The following ELOVL7 variants were observed in gnomAD, a reference collection of about 807,000 sequenced individuals.
ELOVL7 encodes the protein very long chain fatty acid elongase 7.
ELOVL7 carries 27 observed loss-of-function variants against 35.7 expected under a neutral mutation model. The ratio of observed to expected loss-of-function variants is 0.76; its 90% CI spans 0.56 to 1.04. The LOEUF (loss-of-function observed/expected upper bound fraction) is 1.04. Among genes scored for constraint, ELOVL7 ranks in the 50% least tolerant of loss-of-function variants. The probability of loss-of-function intolerance (pLI) is 0.00; values close to 1 mark genes in which losing one functional copy is unlikely to be tolerated. For synonymous variants in ELOVL7, 113 were observed against 114.6 expected, an observed-to-expected ratio of 0.99 and a Z score of 0.09; for missense variants, 327 against 340.8, an observed-to-expected ratio of 0.96 and a Z score of 0.32.
At chr5:60,771,248 G>A (rs1242259234) in intron 4 of ELOVL7, among the ~76,000 whole-genome samples, 2 of 152,168 alleles carry the variant, frequency 1.3e-5, no homozygotes, top group Admixed American at 6.5e-5. Flanking sequence ...GCTGAGGCAT[G>A]TTAATAGCAC....
chr5:60,791,509 G>A (rs78620886), intron 2 of ELOVL7, among the ~76,000 whole-genome samples: 10,937 of 152,144 alleles, frequency 0.072, 430 homozygotes, highest in Middle Eastern at 0.092. Flanking sequence ...AAACCTGCAC[G>A]TGTACCCCCT....
intron 4 of ELOVL7, 152 bp downstream of exon 4, chr5:60,771,751 C>T (rs1742602170): frequency 1.8e-6 from 1 of 561,836 alleles, no homozygotes; most frequent in Non-Finnish European, 3.1e-6. Flanking sequence ...TTGGTCTATA[C>T]CTAACACTAT....
intron 8 of ELOVL7, 125 bp downstream of exon 8, chr5:60,757,383 AG>A: frequency 3.5e-6 from 3 of 855,552 alleles, no homozygotes; most frequent in South Asian, 4.8e-5. Flanking sequence ...CATATCATGT[AG>A]GGGCCAGACG....
At chr5:60,817,822 G>T (rs11747856) in intron 1 of ELOVL7, among the ~76,000 whole-genome samples, 2 of 146,536 alleles carry the variant, frequency 1.4e-5, no homozygotes, top group Non-Finnish European at 1.5e-5. Flanking sequence ...ATGTGTGTGT[G>T]TATATATATG....
chr5:60,761,675 AAAGGTATAT>A (rs1277047541), intron 7 of ELOVL7, among the ~76,000 whole-genome samples: 1 of 152,212 alleles, frequency 6.6e-6, no homozygotes, highest in African/African-American at 2.4e-5. Context: ...TTTTTTCATA[AAAGGTATAT>A]AAGCTGATCG....
At chr5:60,842,527 GT>G (rs1162442007) in intron 1 of ELOVL7, among the ~76,000 whole-genome samples, 10 of 151,428 alleles carry the variant, frequency 6.6e-5, no homozygotes, top group Non-Finnish European at 1.5e-4. Context: ...CAGGGGGAGG[GT>G]GTGGGGATCC....
intron 1 of ELOVL7, among the ~76,000 whole-genome samples, chr5:60,819,895 T>A (rs1256242267): frequency 6.6e-6 from 1 of 152,206 alleles, no homozygotes; most frequent in Non-Finnish European, 1.5e-5. Context: ...GCGCCTAATA[T>A]GTCCAAAAGG....
intron 1 of ELOVL7, among the ~76,000 whole-genome samples, chr5:60,824,313 C>T (rs764190645): frequency 2.0e-4 from 30 of 152,082 alleles, no homozygotes; most frequent in Non-Finnish European, 3.2e-4. Flanking sequence ...ACTTTAAGGC[C>T]GCTCACAAGT....
intron 5 of ELOVL7, 123 bp downstream of exon 5, chr5:60,767,700 A>G (rs1742326671): frequency 3.6e-6 from 2 of 560,678 alleles, no homozygotes; most frequent in Admixed American, 5.4e-5. Flanking sequence ...TTTCTCCACC[A>G]CAACACACAC....
chr5:60,795,158 A>G (rs747251645), intron 2 of ELOVL7, among the ~76,000 whole-genome samples: 1 of 152,196 alleles, frequency 6.6e-6, no homozygotes, highest in Non-Finnish European at 1.5e-5. Context: ...GGGACAGGGA[A>G]GTCCAGATGT....
Position 60,764,341 on chromosome 5 carries a change from A to G in ELOVL7, c.394-9T>C. ...CGCAGAACAAAAAAGATCTGAAATA[A>G]TTTAAAGAATATCAAGTTCACAGAA... is the stretch of plus-strand genomic sequence containing the variant. On this transcript the variant is annotated splice_polypyrimidine_tract_variant and intron_variant, in intron 6 of 8. Coordinates refer to ENST00000508821, the MANE Select transcript of ELOVL7 (RefSeq NM_024930.3). 1 of 1,583,766 alleles carries G rather than the reference A, an allele frequency of 6.3e-7. No homozygotes were observed. Among genetic ancestry groups the G allele is most frequent in the Non-Finnish European group, 8.7e-7 (1 of 1,153,014 alleles).
At chr5:60,766,388 A>C (rs1742237073) in intron 6 of ELOVL7, among the ~76,000 whole-genome samples, 186 bp downstream of exon 6, 1 of 152,244 alleles carries the variant, frequency 6.6e-6, no homozygotes, top group Admixed American at 6.5e-5. Flanking sequence ...TATCCTATCT[A>C]TTCTCTAAAG....
At chr5:60,805,010 C>G (rs139573620) in intron 1 of ELOVL7, among the ~76,000 whole-genome samples, 8 of 152,320 alleles carry the variant, frequency 5.3e-5, no homozygotes, top group Non-Finnish European at 1.0e-4. Flanking sequence ...GCAAACAGTT[C>G]ACACAGACTG....
At position 60,768,523 on chromosome 5, in the gene ELOVL7, G is replaced by A. The variant is rs566836483; in HGVS notation, c.256-620C>T. On this transcript the variant is annotated intron_variant, in intron 4 of 8. Coordinates refer to ENST00000508821, the MANE Select transcript of ELOVL7 (RefSeq NM_024930.3). ...AGGAAAATGCTCGTTAACAATAAAA[G>A]TGCAATCTGGCAGGCCTTAATTCCA... The A allele has an allele frequency of 2.4e-4, 71 of 295,550 alleles. No homozygotes were observed. The East Asian group carries it at 4.6e-3, about 19-fold the overall frequency. The allele number at this position is 295,550 out of a possible 1,614,324, so 18.3% of individuals were successfully genotyped here.
intron 4 of ELOVL7, among the ~76,000 whole-genome samples, chr5:60,769,658 G>A (rs531934990): frequency 6.1e-4 from 93 of 152,180 alleles, no homozygotes; most frequent in Non-Finnish European, 1.2e-3. Context: ...ATGCTGTGTG[G>A]CTATCAAAAG....
Position 60,754,556 on chromosome 5 carries a change from T to C in ELOVL7, c.*68A>G, listed in dbSNP as rs898761154. 2.9e-6 allele frequency: 4 copies of C among 1,388,548 alleles called. No individual in the cohort carries two copies. Among genetic ancestry groups the C allele is most frequent in the Middle Eastern group, 1.8e-4 (1 of 5,570 alleles). The allele number at this position is 1,388,548 out of a possible 1,614,324, so 86.0% of individuals were successfully genotyped here. Reference sequence around the variant, plus strand: ...TGAAAAATATACAAAATGCACTGCATAGGTAAATATCTCTTGATTGTCAAG... The same window carrying C: ...TGAAAAATATACAAAATGCACTGCACAGGTAAATATCTCTTGATTGTCAAG... On this transcript the variant is annotated 3_prime_UTR_variant, in exon 9 of 9. Coordinates refer to ENST00000508821, the MANE Select transcript of ELOVL7 (RefSeq NM_024930.3).
intron 2 of ELOVL7, among the ~76,000 whole-genome samples, chr5:60,798,323 T>G (rs1159352165): frequency 6.6e-6 from 1 of 152,188 alleles, no homozygotes; most frequent in Non-Finnish European, 1.5e-5. Flanking sequence ...TCTTCAGATC[T>G]GCAAGCACAA....
In ELOVL7 at chr5:60,804,247, A is replaced by C. The variant is rs111570482; in HGVS notation, c.-85-5017T>G. On this transcript the variant is annotated intron_variant, in intron 1 of 8. Transcript: ENST00000508821. The stretch of plus-strand genomic sequence containing the variant: ...CTTAATTGCGCTTATTTTTACTCTT[A>C]TTGATAATAGAGGGCCTCTGAATCT... 6.9e-4 allele frequency among the ~76,000 whole-genome samples: 105 copies of C among 152,324 alleles called. 1 individual carries two copies. Among genetic ancestry groups the C allele is most frequent in the African/African-American group, 2.5e-3 (103 of 41,574 alleles).
At chr5:60,805,918 G>A (rs952433030) in intron 1 of ELOVL7, among the ~76,000 whole-genome samples, 1 of 152,204 alleles carries the variant, frequency 6.6e-6, no homozygotes. Context: ...TGTGATATGA[G>A]TAAATATCCA....
Sources: gnomAD v4.1 joint callset for allele counts (sites outside exome capture counted in the v4.1 genomes callset) on GRCh38, gnomAD v4.1.1 for gene constraint, MANE v1.5 for transcripts, NCBI Gene and HGNC (gene_info 2026-07-23, HGNC 2026-07-21) for gene names.